Variants in RHBG observed in about 807,000 individuals in gnomAD.
The protein encoded by RHBG is ammonium transporter Rh type B.
In RHBG, 39 loss-of-function variants were observed where a neutral mutation model predicts 40.1. The observed-to-expected ratio is 0.97, with a 90% CI of 0.75 to 1.27. The LOEUF (loss-of-function observed/expected upper bound fraction) is 1.27. Among genes scored for constraint, RHBG ranks in the 50% most tolerant of loss-of-function variants. The probability of loss-of-function intolerance (pLI) is 0.00; values close to 1 mark genes in which losing one functional copy is unlikely to be tolerated. For synonymous variants in RHBG, 237 were observed against 252.5 expected, an observed-to-expected ratio of 0.94 and a Z score of 0.58; for missense variants, 549 against 588.1, an observed-to-expected ratio of 0.93 and a Z score of 0.69.
intron 5 of RHBG, 121 bp from the exon 6 acceptor site, chr1:156,381,685 A>G: frequency 7.0e-7 from 1 of 1,420,562 alleles, no homozygotes; most frequent in Non-Finnish European, 9.5e-7. Flanking sequence ...GTAGCAGGAC[A>G]ATGAGAGGTT....
intron 8 of RHBG, 54 bp downstream of exon 8, chr1:156,382,923 C>T (rs377437530): frequency 6.8e-6 from 11 of 1,608,148 alleles, no homozygotes; most frequent in Middle Eastern, 1.7e-4. Context: ...ATAAGCCTGA[C>T]ATGAATTCAT....
chr1:156,371,548 G>A (rs1489058274), intron 1 of RHBG: 1 of 164,136 alleles, frequency 6.1e-6, no homozygotes, highest in African/African-American at 2.4e-5. Context: ...AGCTCAAAAT[G>A]CTAAGGATAT....
rs1486654135 is a variant in RHBG at position 156,375,260 on chromosome 1, A to G, written c.188-2041A>G. Among the ~76,000 whole-genome samples the G allele has an allele frequency of 2.0e-5, 3 of 151,874 alleles. No homozygotes were observed. The East Asian group carries it at 5.8e-4, about 30-fold the overall frequency. ...GCTAATTTTTGTTTTATTAGTAGAG[A>G]CGGGGTTTCGCCATATTGGCCAGGC... On this transcript the variant is annotated intron_variant, in intron 1 of 9. Coordinates refer to ENST00000537040, the MANE Select transcript of RHBG (RefSeq NM_020407.5).
chr1:156,377,923 C>T lies in RHBG; in HGVS notation c.375-67C>T, dbSNP rs1667326981. On this transcript the variant is annotated intron_variant, in intron 2 of 9. Transcript: ENST00000537040. The surrounding 1 kb of genome is among the most constrained non-coding windows in gnomAD (Gnocchi z 4.6). ...CACATCATGCTGTCCTGGCTTCATG[C>T]CAGGCAGGAACCCCGAGGCCAGCCT... 5 of 1,438,740 alleles carry T rather than the reference C, an allele frequency of 3.5e-6. No homozygotes were observed. Among genetic ancestry groups the T allele is most frequent in the South Asian group, 1.4e-5 (1 of 71,972 alleles). 89.1% of individuals were successfully genotyped at this position (1,438,740 alleles called of 1,614,324 possible). A position where few individuals can be genotyped will look rare whatever the true frequency, so the allele number is the denominator to read the frequency against.
chr1:156,384,940 C>G lies in RHBG; in HGVS notation c.*95C>G, dbSNP rs1160036099. 1.3e-6 allele frequency: 1 copy of G among 780,822 alleles called. No individual in the cohort carries two copies. The highest frequency in any genetic ancestry group is 1.7e-5 in the African/African-American group (1 of 57,754). The allele number at this position is 780,822 out of a possible 1,614,324, so 48.4% of individuals were successfully genotyped here. A position where few individuals can be genotyped will look rare whatever the true frequency, so the allele number is the denominator to read the frequency against. ...TTTTGAGCTCCCATTCCTCCAGCTG[C>G]AAGAAGGGAGCCATGAGCCAGAAGG... is the stretch of plus-strand genomic sequence containing the variant. On this transcript the variant is annotated 3_prime_UTR_variant, in exon 10 of 10. Transcript: ENST00000537040.
Position 156,377,908 on chromosome 1 carries a change from T to A in RHBG, c.375-82T>A. On this transcript the variant is annotated intron_variant, in intron 2 of 9. Coordinates refer to ENST00000537040, the MANE Select transcript of RHBG (RefSeq NM_020407.5). The surrounding 1 kb of genome is among the most constrained non-coding windows in gnomAD (Gnocchi z 4.6). Reference sequence around the variant, plus strand: ...CCCCACCCCACCCACCACATCATGCTGTCCTGGCTTCATGCCAGGCAGGAA... The same window carrying A: ...CCCCACCCCACCCACCACATCATGCAGTCCTGGCTTCATGCCAGGCAGGAA... 2.5e-5 allele frequency: 28 copies of A among 1,129,278 alleles called. No individual in the cohort carries two copies. Among genetic ancestry groups the A allele is most frequent in the Non-Finnish European group, 3.1e-5 (25 of 797,182 alleles). 70.0% of individuals were successfully genotyped at this position (1,129,278 alleles called of 1,614,324 possible). A position where few individuals can be genotyped will look rare whatever the true frequency, so the allele number is the denominator to read the frequency against.
intron 1 of RHBG, among the ~76,000 whole-genome samples, chr1:156,373,492 C>T (rs571012237): frequency 2.6e-5 from 4 of 152,170 alleles, no homozygotes; most frequent in South Asian, 2.1e-4. Context: ...CCATCCCACC[C>T]GCACAGGCAT....
intron 8 of RHBG, 85 bp from the exon 9 acceptor site, chr1:156,384,442 C>T: frequency 8.2e-7 from 1 of 1,214,638 alleles, no homozygotes; most frequent in Non-Finnish European, 1.2e-6. Context: ...GCCTCCTAGA[C>T]CCCTGTGCCC....
intron 1 of RHBG, chr1:156,371,435 C>T (rs994703460): frequency 1.4e-5 from 4 of 288,920 alleles, no homozygotes; most frequent in African/African-American, 9.3e-5. Flanking sequence ...GCTGGGATTA[C>T]AGGTGTGAGC....
rs764936674 is a variant in RHBG, at chr1:156,378,292, G to A, written c.566G>A (p.Gly189Asp). Residue 189 changes from glycine to aspartate, a missense_variant, in exon 4 of 10, where the codon GGT becomes GAT. Physicochemically the swap from Gly to Asp is moderately conservative, Grantham distance 94. This residue lies in a region of RHBG where 399 missense variants were observed against 417.0 expected (regional missense o/e 0.96). Coordinates refer to ENST00000537040, the MANE Select transcript of RHBG (RefSeq NM_020407.5). Reference protein sequence around the residue: ...AGGSMTIHTFGAYFGLVLSRV... With the variant: ...AGGSMTIHTFDAYFGLVLSRV... The stretch of plus-strand genomic sequence containing the variant: ...GGCTCCATGACTATCCACACCTTTG[G>A]TGCCTACTTCGGGCTCGTCCTTTCG... 25 of 1,613,920 alleles carry A rather than the reference G, an allele frequency of 1.5e-5. No individual in the cohort carries two copies. The African/African-American group carries it at 3.3e-4, about 22-fold the overall frequency.
At position 156,377,665 on chromosome 1, in the gene RHBG, C is replaced by G. The variant is rs1044943148; in HGVS notation, c.374+178C>G. On this transcript the variant is annotated intron_variant, in intron 2 of 9. Coordinates refer to ENST00000537040, the MANE Select transcript of RHBG (RefSeq NM_020407.5). This position sits in a 1 kb window ranked among gnomAD's most constrained non-coding sequence, Gnocchi z 4.6. ...CCTGACTTCCTCTCCCATCCTTGAC[C>G]CTCACACTCAGCTCCACCTCCTCAG... 6.6e-6 allele frequency among the ~76,000 whole-genome samples: 1 copy of G among 152,190 alleles called. No homozygotes were observed. Among genetic ancestry groups the G allele is most frequent in the African/African-American group, 2.4e-5 (1 of 41,446 alleles).
chr1:156,370,422 A>G (rs4661039), intron 1 of RHBG, among the ~76,000 whole-genome samples: 50,622 of 148,822 alleles, frequency 0.34, 8,638 homozygotes, highest in East Asian at 0.4. Context: ...GCACTTCAGC[A>G]TGGGTGACAG....
At chr1:156,381,026 A>G (rs1460388782) in intron 4 of RHBG, among the ~76,000 whole-genome samples, 3 of 152,048 alleles carry the variant, frequency 2.0e-5, no homozygotes, top group Non-Finnish European at 2.9e-5. Flanking sequence ...CAGCCCCCCA[A>G]GTAGCTGGAA....
chr1:156,382,022 G>C (rs367946583), intron 6 of RHBG, 46 bp from the exon 7 acceptor site: 1 of 1,609,598 alleles, frequency 6.2e-7, no homozygotes, highest in Non-Finnish European at 8.5e-7. Flanking sequence ...AGGATGAGGT[G>C]GTGGGGAGTG....
chr1:156,384,563 C>T lies in RHBG; in HGVS notation c.1271C>T (p.Pro424Leu), dbSNP rs375620360. The T allele has an allele frequency of 1.2e-6, 2 of 1,600,498 alleles. No individual in the cohort carries two copies. The highest frequency in any genetic ancestry group is 2.7e-5 in the African/African-American group (2 of 74,490). ...AAGCTACCCTTTCTGGACTCCCCCC[C>T]AGACTCCCAGCACTACGAGGACCAA... Reference protein sequence around the residue: ...LLKLPFLDSPPDSQHYEDQVH... With the variant: ...LLKLPFLDSPLDSQHYEDQVH... The change falls in exon 9 of 10, where the codon CCA becomes CTA. Residue 424 changes from proline (P) to leucine (L), a missense_variant. This residue lies in a region of RHBG where 399 missense variants were observed against 417.0 expected (regional missense o/e 0.96). Transcript: ENST00000537040.
intron 1 of RHBG, chr1:156,374,697 C>G: frequency 2.8e-6 from 1 of 361,626 alleles, no homozygotes; most frequent in South Asian, 2.1e-5. Context: ...AGCGATTCTC[C>G]TGCCTCAGTC....
chr1:156,376,100 C>T (rs921198694), intron 1 of RHBG, among the ~76,000 whole-genome samples: 1 of 151,970 alleles, frequency 6.6e-6, no homozygotes, highest in African/African-American at 2.4e-5. Context: ...AGAATAGAAA[C>T]CAAACAGAAA....
chr1:156,381,739 G>A, intron 5 of RHBG, 67 bp from the exon 6 acceptor site: 1 of 1,534,678 alleles, frequency 6.5e-7, no homozygotes, highest in Non-Finnish European at 8.7e-7. Flanking sequence ...TCACTGTGGT[G>A]TGTAGGGTTG....
Position 156,381,431 on chromosome 1 carries a change from A to G in RHBG, c.758A>G (p.Asn253Ser), listed in dbSNP as rs1667628667. The change falls in exon 5 of 10, where the codon AAC becomes AGC. Residue 253 changes from asparagine to serine, a missense_variant. Around this residue, in one of 3 missense-constraint regions of RHBG, gnomAD observed 399 missense variants for 417.0 expected, o/e 0.96. Transcript: ENST00000537040. ...LGAGQHRTAL[N>S]TYYSLAASTL... ...GCTGGGCAGCATCGGACGGCCCTCA[A>G]CACATACTACTCCCTGGCTGCCAGC... 1 of 1,613,924 alleles carries G rather than the reference A, an allele frequency of 6.2e-7. No individual in the cohort carries two copies. The highest frequency in any genetic ancestry group is 1.7e-5 in the Admixed American group (1 of 59,980).
Sources: allele counts gnomAD v4.1 joint callset (sites outside exome capture counted in the v4.1 genomes callset), GRCh38; gene constraint gnomAD v4.1.1; regional missense constraint gnomAD v4.1.1; non-coding constraint Gnocchi (gnomAD v3.1); transcripts MANE v1.5; gene names NCBI Gene and HGNC (gene_info 2026-07-23, HGNC 2026-07-21).